The following PTPRH variants were observed in gnomAD, a reference collection of about 807,000 sequenced individuals.
PTPRH encodes the protein receptor-type tyrosine-protein phosphatase H.
A neutral mutation model predicts 130.2 loss-of-function variants in PTPRH; 113 were observed. The observed-to-expected ratio is 0.87, with a 90% CI of 0.75 to 1.01. PTPRH has a LOEUF of 1.01. Ranked by LOEUF, PTPRH falls within the 50% of genes least tolerant of loss-of-function variation. The pLI, the probability that PTPRH is intolerant of heterozygous loss-of-function variation, is 0.00. For missense variants in PTPRH, 1,430 were observed against 1,425.0 expected (o/e 1.00, Z -0.06); for synonymous variants, 556 against 577.9 (o/e 0.96, Z 0.54).
intron 12 of PTPRH, chr19:55,189,677 A>C: frequency 2.2e-6 from 1 of 456,034 alleles, no homozygotes; most frequent in South Asian, 1.5e-5. Flanking sequence ...GCTTTCCTTG[A>C]ATATCCTGCC....
intron 18 of PTPRH, among the ~76,000 whole-genome samples, chr19:55,184,955 T>C (rs999972891): frequency 6.6e-6 from 1 of 151,896 alleles, no homozygotes; most frequent in African/African-American, 2.4e-5. Flanking sequence ...CTTTCTCCCT[T>C]CTCTTCTGCA....
rs185645027 is a variant in PTPRH at position 55,202,703 on chromosome 19, T to G, written c.887-381A>C. On this transcript the variant is annotated intron_variant, in intron 5 of 19. Coordinates refer to ENST00000376350, the MANE Select transcript of PTPRH (RefSeq NM_002842.5). ...GTGGGTATATACTCAGTGTGTATAT[T>G]TAATGATCCTTTCCTTATATTGATT... Among the ~76,000 whole-genome samples the G allele has an allele frequency of 3.2e-4, 48 of 152,182 alleles. 1 individual carries two copies. The highest frequency in any genetic ancestry group is 1.1e-3 in the African/African-American group (44 of 41,528).
chr19:55,190,573 AATATATT>A (rs922694791), intron 12 of PTPRH, among the ~76,000 whole-genome samples: 1 of 132,952 alleles, frequency 7.5e-6, no homozygotes, highest in African/African-American at 2.8e-5. Context: ...TATAACATAT[AATATATT>A]ATATATTATA....
Position 55,200,361 on chromosome 19 carries a change from G to T in PTPRH, c.1295C>A (p.Thr432Asn). Residue 432 changes from threonine to asparagine, a missense_variant, in exon 7 of 20, where the codon ACC becomes AAC. By Grantham distance (65) the Thr-to-Asn change is moderately conservative. Coordinates refer to ENST00000376350, the MANE Select transcript of PTPRH (RefSeq NM_002842.5). ...CACACTGGTATTTGTTGTGTTTCGG[G>T]TCTCTGTGCCACCACCGTCTCCAGT... ...EYTGDGGGTE[T>N]RNTTNTSVTA... 1.2e-6 allele frequency: 2 copies of T among 1,614,124 alleles called. No homozygotes were observed. The highest frequency in any genetic ancestry group is 1.7e-6 in the Non-Finnish European group (2 of 1,180,026).
At position 55,203,259 on chromosome 19, in the gene PTPRH, A is replaced by G. The variant is rs921585936; in HGVS notation, c.886+523T>C. Among the ~76,000 whole-genome samples the G allele has an allele frequency of 6.7e-4, 98 of 147,026 alleles. 1 individual carries two copies. The highest frequency in any genetic ancestry group is 3.4e-3 in the East Asian group (16 of 4,744). On this transcript the variant is annotated intron_variant, in intron 5 of 19. Coordinates refer to ENST00000376350, the MANE Select transcript of PTPRH (RefSeq NM_002842.5). ...GGAGGATGGCCTGAACCCGGGAGGCAGAGCTTGCAGTGAGCCAAGATTGCG... is the reference window on the plus strand; with the variant it reads ...GGAGGATGGCCTGAACCCGGGAGGCGGAGCTTGCAGTGAGCCAAGATTGCG...
chr19:55,199,775 AAG>A (rs765719960), intron 7 of PTPRH, among the ~76,000 whole-genome samples: 13 of 149,558 alleles, frequency 8.7e-5, no homozygotes, highest in South Asian at 4.2e-4. Flanking sequence ...GAAAGAAAGA[AAG>A]AGAGAGAGAC....
At chr19:55,198,505 C>G (rs188988631) in intron 8 of PTPRH, 138 bp downstream of exon 8, 8 of 907,530 alleles carry the variant, frequency 8.8e-6, no homozygotes, top group South Asian at 5.7e-5. Flanking sequence ...GGAACGGGAC[C>G]TACAGGTTTA....
chr19:55,203,167 A>C (rs2086923432), intron 5 of PTPRH, among the ~76,000 whole-genome samples: 2 of 151,464 alleles, frequency 1.3e-5, no homozygotes, highest in Non-Finnish European at 2.9e-5. Flanking sequence ...CTCTACTAAA[A>C]ATACAAAAAA....
rs1183270127 is a variant in PTPRH at position 55,181,571 on chromosome 19, G to A, written c.*183C>T. 1.4e-6 allele frequency: 1 copy of A among 737,106 alleles called. No individual in the cohort carries two copies. Among genetic ancestry groups the A allele is most frequent in the Non-Finnish European group, 2.2e-6 (1 of 448,308 alleles). The allele number at this position is 737,106 out of a possible 1,614,324, so 45.7% of individuals were successfully genotyped here. ...GAATCCAGATCCCCAGCTCCCATAGGACTCATCTGAAGCCCACCAGACCAC... is the reference window on the plus strand; with the variant it reads ...GAATCCAGATCCCCAGCTCCCATAGAACTCATCTGAAGCCCACCAGACCAC... On this transcript the variant is annotated 3_prime_UTR_variant, in exon 20 of 20. Coordinates refer to ENST00000376350, the MANE Select transcript of PTPRH (RefSeq NM_002842.5).
At chr19:55,191,060 T>C (rs1409483982) in intron 12 of PTPRH, among the ~76,000 whole-genome samples, 1 of 152,138 alleles carries the variant, frequency 6.6e-6, no homozygotes, top group East Asian at 1.9e-4. Flanking sequence ...GCCAGGATGG[T>C]CTTGATCTCC....
Position 55,196,511 on chromosome 19 carries a change from G to T in PTPRH, c.2257+11C>A. The T allele has an allele frequency of 6.2e-7, 1 of 1,603,748 alleles. No individual in the cohort carries two copies. The highest frequency in any genetic ancestry group is 1.8e-4 in the Middle Eastern group (1 of 5,602). On this transcript the variant is annotated intron_variant, in intron 10 of 19. Transcript: ENST00000376350. The stretch of plus-strand genomic sequence containing the variant: ...TCATCATAGCTGGCTGGCCCGCGCG[G>T]CTCCGCTCACCTGCACTCTCGGTGT...
intron 6 of PTPRH, among the ~76,000 whole-genome samples, chr19:55,201,406 A>G (rs1568919956): frequency 6.6e-6 from 1 of 152,188 alleles, no homozygotes; most frequent in East Asian, 1.9e-4. Flanking sequence ...AGAGAGACTC[A>G]AGGGAGCTTT....
Position 55,209,349 on chromosome 19 carries a change from C to G in PTPRH, c.51+34G>C. The G allele has an allele frequency of 6.4e-7, 1 of 1,554,992 alleles. No homozygotes were observed. The highest frequency in any genetic ancestry group is 8.7e-7 in the Non-Finnish European group (1 of 1,148,054). ...TCTCCCTCAGACCTGGGAGTCCCTG[C>G]CTTGGGAGCCCGCTCTGGGCGGGGA... is the stretch of plus-strand genomic sequence containing the variant. On this transcript the variant is annotated intron_variant, in intron 1 of 19. Coordinates refer to ENST00000376350, the MANE Select transcript of PTPRH (RefSeq NM_002842.5). The surrounding 1 kb of genome is among the most constrained non-coding windows in gnomAD (Gnocchi z 4.1).
intron 5 of PTPRH, among the ~76,000 whole-genome samples, chr19:55,202,524 C>T (rs1258868873): frequency 6.6e-6 from 1 of 152,060 alleles, no homozygotes; most frequent in African/African-American, 2.4e-5. Context: ...AGTGTAAGAT[C>T]CACACCGGCT....
chr19:55,181,557 C>T lies in PTPRH; in HGVS notation c.*197G>A, dbSNP rs2086170741. On this transcript the variant is annotated 3_prime_UTR_variant, in exon 20 of 20. Coordinates refer to ENST00000376350, the MANE Select transcript of PTPRH (RefSeq NM_002842.5). ...CTTCAGGGAACCAGGAATCCAGATC[C>T]CCAGCTCCCATAGGACTCATCTGAA... The T allele has an allele frequency of 1.5e-6, 1 of 661,750 alleles. No individual in the cohort carries two copies. The highest frequency in any genetic ancestry group is 1.8e-5 in the African/African-American group (1 of 55,384). The allele number at this position is 661,750 out of a possible 1,614,324, so 41.0% of individuals were successfully genotyped here.
Position 55,185,496 on chromosome 19 carries a change from C to A in PTPRH, c.3062+6G>T. ...TCAAGGGAGAGGGTCCTGGGCTGGT[C>A]CCCACCTGCAGTGCACAATGGGTGG... On this transcript the variant is annotated splice_donor_region_variant and intron_variant, in intron 18 of 19. Coordinates refer to ENST00000376350, the MANE Select transcript of PTPRH (RefSeq NM_002842.5). 1 of 1,613,820 alleles carries A rather than the reference C, an allele frequency of 6.2e-7. No homozygotes were observed. The highest frequency in any genetic ancestry group is 8.5e-7 in the Non-Finnish European group (1 of 1,179,874).
At position 55,186,274 on chromosome 19, in the gene PTPRH, T is replaced by C. The variant is rs779339619; in HGVS notation, c.2729A>G (p.Gln910Arg). ...VGDFWRLVWE[Q>R]QSHTLVMLTN... ...CAGCATGACCAGGGTGTGGCTCTGCTGTTCCCACACCAGGCGCCAGAAGTC... is the reference window on the plus strand; with the variant it reads ...CAGCATGACCAGGGTGTGGCTCTGCCGTTCCCACACCAGGCGCCAGAAGTC... Residue 910 changes from glutamine (Q) to arginine (R), a missense_variant, in exon 16 of 20, where the codon CAG (glutamine) becomes CGG (arginine). By Grantham distance (43) the Gln-to-Arg change is conservative. Transcript: ENST00000376350. 15 of 1,613,850 alleles carry C rather than the reference T, an allele frequency of 9.3e-6. No homozygotes were observed. In the South Asian group the frequency reaches 1.6e-4, roughly 18 times the overall value.
chr19:55,184,563 C>T (rs558293385), intron 18 of PTPRH, among the ~76,000 whole-genome samples: 9 of 151,778 alleles, frequency 5.9e-5, no homozygotes, highest in South Asian at 2.1e-4. Context: ...CAGAGGCAGA[C>T]GGATCACGAG....
intron 13 of PTPRH, among the ~76,000 whole-genome samples, chr19:55,187,821 G>T (rs367902866): frequency 6.6e-6 from 1 of 151,936 alleles, no homozygotes; most frequent in Non-Finnish European, 1.5e-5. Flanking sequence ...CTTCAGGCAG[G>T]CAAGAAAGCA....
Sources: allele counts gnomAD v4.1 joint callset (sites outside exome capture counted in the v4.1 genomes callset), GRCh38; gene constraint gnomAD v4.1.1; non-coding constraint Gnocchi (gnomAD v3.1); transcripts MANE v1.5; gene names NCBI Gene and HGNC (gene_info 2026-07-23, HGNC 2026-07-21).